The following MAP2K3 variants were observed in gnomAD, a reference collection of about 807,000 sequenced individuals.
The protein encoded by MAP2K3 is mitogen-activated protein kinase kinase 3.
In MAP2K3, 30 loss-of-function variants were observed where a neutral mutation model predicts 46.4. That is an observed-to-expected ratio of 0.65 (90% CI 0.48 to 0.88). MAP2K3 has a LOEUF of 0.88. Ranked by LOEUF, MAP2K3 falls within the 40% of genes least tolerant of loss-of-function variation. The pLI is 0.00. For missense variants in MAP2K3, 380 were observed against 464.5 expected, an observed-to-expected ratio of 0.82 and a Z score of 1.67; for synonymous variants, 189 against 176.3, an observed-to-expected ratio of 1.07 and a Z score of -0.57.
chr17:21,305,144 A>G lies in MAP2K3; in HGVS notation c.774+16A>G, dbSNP rs1657693. On this transcript the variant is annotated intron_variant, in intron 9 of 11. Transcript: ENST00000342679. ...CATCACCATGGTACTGTGGGGGGCC[A>G]GGGCCTGCCCTTGGTGGTCAGGTGG... The G allele has an allele frequency of 6.8e-6, 11 of 1,614,134 alleles. No homozygotes were observed. In the East Asian group the frequency reaches 1.1e-4, roughly 16 times the overall value.
At chr17:21,308,320 G>A (rs556490601) in intron 9 of MAP2K3, among the ~76,000 whole-genome samples, 2 of 152,398 alleles carry the variant, frequency 1.3e-5, no homozygotes, top group African/African-American at 4.8e-5. Flanking sequence ...GCTAATTTTT[G>A]TATTTTTAGT....
intron 5 of MAP2K3, 130 bp downstream of exon 5, chr17:21,301,123 C>T (rs527983642): frequency 1.8e-3 from 2,674 of 1,487,778 alleles, no homozygotes; most frequent in South Asian, 9.6e-3. Context: ...GAGGCTCCCC[C>T]GTCTCTTGGC....
chr17:21,290,598 C>T (rs1168705962), intron 1 of MAP2K3, among the ~76,000 whole-genome samples: 2 of 152,312 alleles, frequency 1.3e-5, no homozygotes, highest in Non-Finnish European at 2.9e-5. Flanking sequence ...TGAATTTGAA[C>T]CTGATGTCTG....
At chr17:21,305,901 T>A (rs1481159100) in intron 9 of MAP2K3, among the ~76,000 whole-genome samples, 1 of 152,300 alleles carries the variant, frequency 6.6e-6, no homozygotes, top group Admixed American at 6.5e-5. Flanking sequence ...ACCAATGGAG[T>A]GTCCTGGGCG....
rs1260153318 is a variant in MAP2K3, at chr17:21,304,404, G to A, written c.569-22G>A. 15 of 1,614,150 alleles carry A rather than the reference G, an allele frequency of 9.3e-6. No individual in the cohort carries two copies. In the Admixed American group the frequency reaches 2.5e-4, roughly 27 times the overall value. On this transcript the variant is annotated intron_variant, in intron 7 of 11. Coordinates refer to ENST00000342679, the MANE Select transcript of MAP2K3 (RefSeq NM_145109.3). ...CCAGTCGTGCTCCACAGACGTGGCT[G>A]AGGCATGTCCCTCCCTGGCAGATGT...
At chr17:21,302,434 G>A (rs1442197074) in intron 6 of MAP2K3, among the ~76,000 whole-genome samples, 175 bp downstream of exon 6, 4 of 152,426 alleles carry the variant, frequency 2.6e-5, no homozygotes, top group Non-Finnish European at 1.5e-5. Context: ...CCCCAGACCA[G>A]AGCCTTTGTG....
Position 21,313,540 on chromosome 17 carries a change from G to T in MAP2K3, c.960+3G>T, listed in dbSNP as rs368110904. 1 of 1,569,556 alleles carries T rather than the reference G, an allele frequency of 6.4e-7. No homozygotes were observed. The stretch of plus-strand genomic sequence containing the variant: ...GTATGAGCTACCTGGAGCTGATGGT[G>T]AGTATGGGCGGGAGGTGCCTGCCCT... On this transcript the variant is annotated splice_donor_region_variant and intron_variant, in intron 11 of 11. Transcript: ENST00000342679.
At chr17:21,296,247 G>T in intron 1 of MAP2K3, 1 of 1,249,134 alleles carries the variant, frequency 8.0e-7, no homozygotes. Context: ...TTTTGTACAT[G>T]AGGAACCCAA....
chr17:21,300,942 C>A lies in MAP2K3; in HGVS notation c.348C>A (p.Arg116=), dbSNP rs1413028962. 6.2e-6 allele frequency: 10 copies of A among 1,614,270 alleles called. No individual in the cohort carries two copies. Among genetic ancestry groups the A allele is most frequent in the Non-Finnish European group, 8.5e-6 (10 of 1,180,046 alleles). The change falls in exon 5 of 12, where the codon CGC becomes CGA. Residue 116 remains arginine, a synonymous_variant. Transcript: ENST00000342679. ...TCATGGACCTGGACATCAACATGCG[C>A]ACGGTCGACTGTTTCTACACTGTCA... is the stretch of plus-strand genomic sequence containing the variant. ...RLLMDLDINM[R]TVDCFYTVTF... is the part of the protein sequence containing the mutation.
In MAP2K3 at chr17:21,314,147, G is replaced by A. The variant is rs1455270580; in HGVS notation, c.961G>A (p.Glu321Lys). 6.2e-7 allele frequency: 1 copy of A among 1,613,520 alleles called. No individual in the cohort carries two copies. ...AERMSYLELM[E>K]HPFFTLHKTK... ...TGACTGTGCCTTCTGTCACCCCCAG[G>A]AGCACCCCTTCTTCACCTTGCACAA... The change falls in exon 12 of 12, where the codon GAG becomes AAG. Residue 321 changes from glutamate (E) to lysine (K), a missense_variant and splice_region_variant. By Grantham distance (56) the Glu-to-Lys change is moderately conservative. This residue lies in a region of MAP2K3 where 63 missense variants were observed against 81.6 expected (regional missense o/e 0.77). Transcript: ENST00000342679.
intron 1 of MAP2K3, among the ~76,000 whole-genome samples, chr17:21,293,788 C>T (rs907223016): frequency 1.1e-4 from 17 of 152,418 alleles, no homozygotes; most frequent in South Asian, 2.1e-4. Flanking sequence ...CTGCAGTGGC[C>T]GTGTATGAGG....
chr17:21,297,354 G>T (rs5026947), intron 1 of MAP2K3, among the ~76,000 whole-genome samples: 1 of 152,312 alleles, frequency 6.6e-6, no homozygotes. Flanking sequence ...AGCAGGGAGT[G>T]GCGGGTGGTG....
intron 1 of MAP2K3, among the ~76,000 whole-genome samples, chr17:21,296,688 T>C (rs1597809280): frequency 6.6e-6 from 1 of 152,430 alleles, no homozygotes; most frequent in African/African-American, 2.4e-5. Flanking sequence ...TGTAGGGCTG[T>C]GGGAGTATCT....
chr17:21,296,996 G>T (rs1343245798), intron 1 of MAP2K3, among the ~76,000 whole-genome samples: 2 of 152,310 alleles, frequency 1.3e-5, no homozygotes, highest in Non-Finnish European at 2.9e-5. Context: ...GGGTGGCTTT[G>T]GTGGAAAGGC....
At chr17:21,309,422 A>G (rs1228648249) in intron 9 of MAP2K3, among the ~76,000 whole-genome samples, 10 of 152,170 alleles carry the variant, frequency 6.6e-5, no homozygotes, top group Admixed American at 5.9e-4. Flanking sequence ...ACAAGTTACA[A>G]ACGTAGTGGA....
intron 5 of MAP2K3, among the ~76,000 whole-genome samples, chr17:21,301,274 G>A (rs1976585412): frequency 6.6e-6 from 1 of 151,218 alleles, no homozygotes; most frequent in Non-Finnish European, 1.5e-5. Context: ...CTGTCTGTGT[G>A]ACCATTCGCA....
At chr17:21,312,403 A>T in intron 10 of MAP2K3, 122 bp downstream of exon 10, 7 of 1,050,572 alleles carry the variant, frequency 6.7e-6, no homozygotes, top group Non-Finnish European at 9.1e-6. Context: ...TGGCATCCAA[A>T]TATGTAAGGC....
At chr17:21,301,915 G>A (rs1976622632) in intron 5 of MAP2K3, among the ~76,000 whole-genome samples, 2 of 152,430 alleles carry the variant, frequency 1.3e-5, no homozygotes, top group Admixed American at 6.5e-5. Context: ...CTGGAATTAG[G>A]GATCAGATAG....
At chr17:21,309,733 G>A (rs1404975438) in intron 9 of MAP2K3, among the ~76,000 whole-genome samples, 4 of 150,484 alleles carry the variant, frequency 2.7e-5, no homozygotes, top group Non-Finnish European at 4.4e-5. Flanking sequence ...CCTGCCTCAG[G>A]CTCCCGAGTA....
Sources: allele counts gnomAD v4.1 joint callset (sites outside exome capture counted in the v4.1 genomes callset), GRCh38; gene constraint gnomAD v4.1.1; regional missense constraint gnomAD v4.1.1; transcripts MANE v1.5; gene names NCBI Gene and HGNC (gene_info 2026-07-23, HGNC 2026-07-21).